Variants in ZBTB25 observed in about 807,000 individuals in gnomAD.
ZBTB25 encodes the protein zinc finger and BTB domain containing 25.
A neutral mutation model predicts 34.2 loss-of-function variants in ZBTB25; 20 were observed. The ratio of observed to expected loss-of-function variants is 0.58; its 90% confidence interval spans 0.41 to 0.85. The LOEUF is 0.85. ZBTB25 is among the 40% of genes least tolerant of loss of function. The probability of loss-of-function intolerance (pLI) is 0.00; values close to 1 mark genes in which losing one functional copy is unlikely to be tolerated. For synonymous variants in ZBTB25, 175 were observed against 186.4 expected (o/e 0.94, Z 0.50); for missense variants, 437 against 521.8 (o/e 0.84, Z 1.58).
rs1566592824 is a variant in ZBTB25 at position 64,480,352 on chromosome 14, A to C, written c.*6571T>G. ...AAAAAAAAAAAAAAAAAAAAGAAGA[A>C]GCAAAGCAAGAAACTTCTGGGAAAT... On this transcript the variant is annotated 3_prime_UTR_variant, in exon 3 of 3. Coordinates refer to ENST00000608382, the MANE Select transcript of ZBTB25 (RefSeq NM_006977.5). 2.5e-6 allele frequency: 1 copy of C among 398,016 alleles called. No individual in the cohort carries two copies. The highest frequency in any genetic ancestry group is 4.9e-6 in the Non-Finnish European group (1 of 205,858). The allele number at this position is 398,016 out of a possible 1,614,324, so 24.7% of individuals were successfully genotyped here. A position where few individuals can be genotyped will look rare whatever the true frequency, so the allele number is the denominator to read the frequency against.
At chr14:64,488,084 A>T (rs2078943464) in intron 2 of ZBTB25, 27 bp from the exon 3 acceptor site, 2 of 1,598,920 alleles carry the variant, frequency 1.3e-6, no homozygotes, top group Non-Finnish European at 1.7e-6. Flanking sequence ...CAGACCCACA[A>T]GAAATGAAAC....
In ZBTB25 at chr14:64,485,395, G is replaced by C; in HGVS notation, c.*1528C>G. On this transcript the variant is annotated 3_prime_UTR_variant, in exon 3 of 3. Transcript: ENST00000608382. The stretch of plus-strand genomic sequence containing the variant: ...AAGATGAGTCTGTTTTATTATCCTT[G>C]ACTATGCGGGGTTTGAAATTTAAAC... 1.0e-6 allele frequency: 1 copy of C among 985,412 alleles called. No homozygotes were observed. Among genetic ancestry groups the C allele is most frequent in the Non-Finnish European group, 1.2e-6 (1 of 829,912 alleles). 61.0% of individuals were successfully genotyped at this position (985,412 alleles called of 1,614,324 possible).
Position 64,481,357 on chromosome 14 carries a change from A to G in ZBTB25, c.*5566T>C, listed in dbSNP as rs2078790907. ...ATGCCCGGCAGATACACAACTTTCT[A>G]AAAGAATGTTTCTGAAGCAAATTCA... On this transcript the variant is annotated 3_prime_UTR_variant, in exon 3 of 3. Transcript: ENST00000608382. The G allele has an allele frequency of 6.6e-6, 1 of 152,260 alleles. No individual in the cohort carries two copies. Among genetic ancestry groups the G allele is most frequent in the Non-Finnish European group, 1.5e-5 (1 of 68,060 alleles). 9.4% of individuals were successfully genotyped at this position (152,260 alleles called of 1,614,324 possible).
downstream of ZBTB25, among the ~76,000 whole-genome samples, chr14:64,475,899 C>T (rs2078715634): frequency 6.6e-6 from 1 of 152,204 alleles, no homozygotes; most frequent in Non-Finnish European, 1.5e-5. Context: ...CCACCACTTG[C>T]TTTGTGGTGA....
At chr14:64,453,865 G>C in intron 2 of ZBTB25, 1 of 1,579,184 alleles carries the variant, frequency 6.3e-7, no homozygotes, top group Non-Finnish European at 8.7e-7. Context: ...GAAGCAGGTA[G>C]ATGTTTGGTT....
In ZBTB25 at chr14:64,481,780, A is replaced by G. The variant is rs2078797216; in HGVS notation, c.*5143T>C. 6.6e-6 allele frequency: 1 copy of G among 152,250 alleles called. No individual in the cohort carries two copies. The allele number at this position is 152,250 out of a possible 1,614,324, so 9.4% of individuals were successfully genotyped here. ...ACCAGTTTTCAAAATGTCCAACCAT[A>G]CAAACACAGAAGTACAGCAGAGAGA... is the stretch of plus-strand genomic sequence containing the variant. On this transcript the variant is annotated 3_prime_UTR_variant, in exon 3 of 3. Transcript: ENST00000608382.
Position 64,484,878 on chromosome 14 carries a change from G to T in ZBTB25, c.*2045C>A. 2.6e-6 allele frequency: 1 copy of T among 388,180 alleles called. No homozygotes were observed. Among genetic ancestry groups the T allele is most frequent in the Non-Finnish European group, 3.5e-6 (1 of 284,130 alleles). 24.0% of individuals were successfully genotyped at this position (388,180 alleles called of 1,614,324 possible). On this transcript the variant is annotated 3_prime_UTR_variant, in exon 3 of 3. Coordinates refer to ENST00000608382, the MANE Select transcript of ZBTB25 (RefSeq NM_006977.5). Reference sequence around the variant, plus strand: ...CAATGAGATGATATTTTTGAGGGCAGTACAAATTTCAATAGTTGCTTAAGT... The same window carrying T: ...CAATGAGATGATATTTTTGAGGGCATTACAAATTTCAATAGTTGCTTAAGT...
intron 2 of ZBTB25, among the ~76,000 whole-genome samples, chr14:64,451,478 T>C (rs2078372162): frequency 1.3e-5 from 2 of 152,262 alleles, no homozygotes. Flanking sequence ...GACATTGACA[T>C]TCTCCTGTTG....
chr14:64,451,085 C>T (rs1275235036), intron 2 of ZBTB25, among the ~76,000 whole-genome samples: 1 of 152,172 alleles, frequency 6.6e-6, no homozygotes, highest in African/African-American at 2.4e-5. Context: ...AGGAGAATCG[C>T]TTGAACCCGG....
rs751266101 is a variant in ZBTB25, at chr14:64,488,044, T to C, written c.187A>G (p.Ile63Val). 1.2e-6 allele frequency: 2 copies of C among 1,611,218 alleles called. No individual in the cohort carries two copies. The highest frequency in any genetic ancestry group is 1.7e-6 in the Non-Finnish European group (2 of 1,177,792). The change falls in exon 3 of 3, where the codon ATA (isoleucine) becomes GTA (valine). Residue 63 changes from isoleucine (I) to valine (V), a missense_variant. By Grantham distance (29) the Ile-to-Val change is conservative (BLOSUM62 3). Coordinates refer to ENST00000608382, the MANE Select transcript of ZBTB25 (RefSeq NM_006977.5). ...FIHQTSECIKIQPTDIQPDIF... is the reference protein window; with the variant it reads ...FIHQTSECIKVQPTDIQPDIF... ...TCAGGTTGGATGTCAGTTGGTTGTA[T>C]TTTTATGCATTCACTGTTAAAAACA...
At chr14:64,467,282 G>A (rs1358157517) in intron 2 of ZBTB25, 1 of 152,184 alleles carries the variant, frequency 6.6e-6, no homozygotes, top group Non-Finnish European at 1.5e-5. Context: ...TGTACGTGGT[G>A]ATACCACCAT....
chr14:64,501,177 T>C (rs763406952), intron 1 of ZBTB25, among the ~76,000 whole-genome samples: 29 of 152,236 alleles, frequency 1.9e-4, no homozygotes, highest in Non-Finnish European at 3.4e-4. Flanking sequence ...AGTAGCAATA[T>C]CTTTCCTTTT....
intron 2 of ZBTB25, among the ~76,000 whole-genome samples, chr14:64,464,173 C>CAGG (rs745762072): frequency 2.5e-4 from 38 of 151,428 alleles, no homozygotes; most frequent in Non-Finnish European, 3.2e-4. Flanking sequence ...TCCTGAGTAA[C>CAGG]TGGGACCATA....
chr14:64,451,179 GTTTTA>G (rs926556660), intron 2 of ZBTB25, among the ~76,000 whole-genome samples: 44 of 151,930 alleles, frequency 2.9e-4, no homozygotes, highest in African/African-American at 1.0e-3. Flanking sequence ...AAAAAATTTT[GTTTTA>G]TTTTATTTTA....
chr14:64,483,939 TCAAAAAAAAAAAAAA>T lies in ZBTB25; in HGVS notation c.*2969_*2983del. Reference sequence around the variant, plus strand: ...AGCCTGGCGACACAGCACGACTGTCTCAAAAAAAAAAAAAAAAAAAAAAAAAAAAGCCTGCAGAAT... The same window carrying T: ...AGCCTGGCGACACAGCACGACTGTCTAAAAAAAAAAAAAAGCCTGCAGAAT... On this transcript the variant is annotated 3_prime_UTR_variant, in exon 3 of 3. Transcript: ENST00000608382. The T allele has an allele frequency of 3.8e-5, 1 of 26,266 alleles. No individual in the cohort carries two copies. The allele number at this position is 26,266 out of a possible 1,614,324, so 1.6% of individuals were successfully genotyped here.
At chr14:64,498,336 C>T (rs1432809888) in intron 1 of ZBTB25, among the ~76,000 whole-genome samples, 3 of 150,090 alleles carry the variant, frequency 2.0e-5, no homozygotes, top group African/African-American at 2.5e-5. Flanking sequence ...GACAGAGTCT[C>T]GCTCTGTCGC....
rs61367816 is a variant in ZBTB25, at chr14:64,490,208, CAAAAAAAAAAAAAAAAAAAAAAA to C, written c.173+130_173+152del. Among the ~76,000 whole-genome samples the C allele has an allele frequency of 7.1e-4, 65 of 90,944 alleles. 2 individuals are homozygous for C. The highest frequency in any genetic ancestry group is 7.0e-4 in the Admixed American group (7 of 9,988). 59.7% of individuals were successfully genotyped at this position (90,944 alleles called of 152,430 possible). On this transcript the variant is annotated intron_variant, in intron 2 of 2. Transcript: ENST00000608382. ...GGGTGACAGAGCAAGACTCTGTCGC[CAAAAAAAAAAAAAAAAAAAAAAA>C]AAAAAAAAAAAAATTATAATTTTAC... is the stretch of plus-strand genomic sequence containing the variant.
intron 1 of ZBTB25, among the ~76,000 whole-genome samples, chr14:64,498,219 A>C (rs2140017187): frequency 6.6e-6 from 1 of 152,128 alleles, no homozygotes; most frequent in African/African-American, 2.4e-5. Flanking sequence ...ATACTGTAAA[A>C]CCTTCTATGC....
intron 1 of ZBTB25, among the ~76,000 whole-genome samples, chr14:64,500,017 C>G (rs1428064595): frequency 6.6e-6 from 1 of 152,078 alleles, no homozygotes; most frequent in Non-Finnish European, 1.5e-5. Context: ...CTGATAAAGC[C>G]AAGCACACAA....
Sources: allele counts gnomAD v4.1 joint callset (sites outside exome capture counted in the v4.1 genomes callset), GRCh38; gene constraint gnomAD v4.1.1; transcripts MANE v1.5; gene names NCBI Gene and HGNC (gene_info 2026-07-23, HGNC 2026-07-21).